Variants in DIAPH2 observed in about 807,000 individuals in gnomAD.
DIAPH2 encodes the protein diaphanous related formin 2.
Under a neutral mutation model 92.7 loss-of-function variants are expected in DIAPH2, and 35 were observed. That is an observed-to-expected ratio of 0.38 (90% confidence interval 0.29 to 0.50). The LOEUF (loss-of-function observed/expected upper bound fraction) is 0.50. Ranked by LOEUF, DIAPH2 falls within the 20% of genes least tolerant of loss-of-function variation. The pLI is 0.94. For synonymous variants in DIAPH2, 301 were observed against 280.4 expected, an observed-to-expected ratio of 1.07 and a Z score of -0.73; for missense variants, 701 against 819.5, an observed-to-expected ratio of 0.86 and a Z score of 1.77.
chrX:97,204,584 T>C (rs755674903), intron 22 of DIAPH2, among the ~76,000 whole-genome samples: 1 of 110,991 alleles, frequency 9.0e-6, no homozygotes, highest in African/African-American at 3.3e-5. Flanking sequence ...GCTACAAAGA[T>C]AATAAAATAC....
intron 23 of DIAPH2, among the ~76,000 whole-genome samples, chrX:97,261,119 A>G (rs1438647799): frequency 8.9e-6 from 1 of 112,521 alleles, no homozygotes; most frequent in East Asian, 2.8e-4. Flanking sequence ...ATTAGTTTAT[A>G]AAAACCTGGC....
intron 8 of DIAPH2, among the ~76,000 whole-genome samples, chrX:96,918,117 A>C (rs1296955020): frequency 1.8e-5 from 2 of 111,387 alleles, no homozygotes; most frequent in African/African-American, 6.5e-5. Context: ...GGACAGGAAC[A>C]CAATTCCTAT....
intron 26 of DIAPH2, among the ~76,000 whole-genome samples, chrX:97,434,709 C>T (rs991208179): frequency 1.8e-5 from 2 of 111,065 alleles, no homozygotes; most frequent in African/African-American, 3.3e-5. Context: ...CGCACCCAGC[C>T]GTAAGGTTAC....
rs189119163 is a variant in DIAPH2, at chrX:97,057,191, A to G, written c.2051-15750A>G. Among the ~76,000 whole-genome samples, 128 of 111,993 alleles carry G rather than the reference A, an allele frequency of 1.1e-3. 1 individual carries two copies. Among genetic ancestry groups the G allele is most frequent in the African/African-American group, 3.8e-3 (118 of 30,925 alleles). ...TACAGGCAATCGCCTTTTAAATAAA[A>G]CCTGAAACAAAAATTATTTGAAATG... is the stretch of plus-strand genomic sequence containing the variant. On this transcript the variant is annotated intron_variant, in intron 17 of 26. Transcript: ENST00000324765.
At chrX:97,022,675 A>G (rs943612889) in intron 17 of DIAPH2, among the ~76,000 whole-genome samples, 1 of 112,282 alleles carries the variant, frequency 8.9e-6, no homozygotes, top group Non-Finnish European at 1.9e-5. Context: ...GTCATCTGGA[A>G]TTCTGACATC....
intron 26 of DIAPH2, among the ~76,000 whole-genome samples, chrX:97,594,817 G>C (rs751236090): frequency 1.8e-5 from 2 of 112,223 alleles, no homozygotes; most frequent in African/African-American, 3.2e-5. Flanking sequence ...AGTATATAAT[G>C]TTAGGTCAAC....
At chrX:97,486,403 C>T (rs2070688897) in intron 26 of DIAPH2, among the ~76,000 whole-genome samples, 1 of 111,486 alleles carries the variant, frequency 9.0e-6, no homozygotes, top group African/African-American at 3.3e-5. Flanking sequence ...TTTTTGGATT[C>T]TCGTGCTAGA....
At chrX:97,005,333 ATT>A (rs557177508) in intron 17 of DIAPH2, among the ~76,000 whole-genome samples, 8 of 92,362 alleles carry the variant, frequency 8.7e-5, no homozygotes, top group East Asian at 3.5e-4. Flanking sequence ...CTCCTCCTCT[ATT>A]TTTTTTTTTT....
chrX:97,192,176 C>T lies in DIAPH2; in HGVS notation c.2719+50382C>T, dbSNP rs749333617. 6.6e-5 allele frequency among the ~76,000 whole-genome samples: 7 copies of T among 106,768 alleles called. No homozygotes were observed. In the South Asian group the frequency reaches 1.7e-3, roughly 26 times the overall value. The allele number at this position is 106,768 out of a possible 115,157, so 92.7% of individuals were successfully genotyped here. A position where few individuals can be genotyped will look rare whatever the true frequency, so the allele number is the denominator to read the frequency against. On this transcript the variant is annotated intron_variant, in intron 22 of 26. Transcript: ENST00000324765. Reference sequence around the variant, plus strand: ...ATGGTGGCTCGCACCTGTAGGTGCTCGCAGCTACTTGGGAGGCTGAGGCAG... The same window carrying T: ...ATGGTGGCTCGCACCTGTAGGTGCTTGCAGCTACTTGGGAGGCTGAGGCAG...
chrX:96,853,171 G>A (rs1251188606), intron 4 of DIAPH2, among the ~76,000 whole-genome samples: 1 of 111,365 alleles, frequency 9.0e-6, no homozygotes, highest in East Asian at 2.8e-4. Context: ...CACATTTTGA[G>A]GGCTAGAGAG....
At chrX:97,192,720 T>G (rs1039506031) in intron 22 of DIAPH2, among the ~76,000 whole-genome samples, 2 of 111,736 alleles carry the variant, frequency 1.8e-5, no homozygotes, top group South Asian at 7.5e-4. Flanking sequence ...ATTTTCCTCT[T>G]AAAATAATAG....
intron 26 of DIAPH2, among the ~76,000 whole-genome samples, chrX:97,437,402 G>A (rs187462525): frequency 1.8e-5 from 2 of 111,689 alleles, no homozygotes; most frequent in East Asian, 5.6e-4. Context: ...AATACTAGGG[G>A]CCAGGCAGCA....
rs113069006 is a variant in DIAPH2, at chrX:96,737,911, C to T, written c.166-675C>T. 8.4e-3 allele frequency among the ~76,000 whole-genome samples: 935 copies of T among 111,476 alleles called. 8 individuals carry two copies. Among genetic ancestry groups the T allele is most frequent in the African/African-American group, 0.029 (896 of 30,684 alleles). On this transcript the variant is annotated intron_variant, in intron 2 of 26. Coordinates refer to ENST00000324765, the MANE Select transcript of DIAPH2 (RefSeq NM_006729.5). ...TAGTAACAACAATAATAAATAGCAG[C>T]TAAGTGCAATAAACATATTAACTTA...
intron 22 of DIAPH2, among the ~76,000 whole-genome samples, chrX:97,156,898 T>C (rs1423076485): frequency 9.0e-6 from 1 of 111,699 alleles, no homozygotes; most frequent in African/African-American, 3.3e-5. Context: ...TCAGATCCAA[T>C]AATCTCAGTT....
intron 23 of DIAPH2, among the ~76,000 whole-genome samples, chrX:97,299,334 A>G (rs904857595): frequency 1.7e-4 from 19 of 111,976 alleles, no homozygotes; most frequent in Non-Finnish European, 1.5e-4. Flanking sequence ...TTGCCCAGTG[A>G]CGTTTACCAT....
intron 9 of DIAPH2, among the ~76,000 whole-genome samples, chrX:96,929,087 CTA>C (rs1464542175): frequency 3.6e-5 from 4 of 111,379 alleles, no homozygotes; most frequent in Admixed American, 9.6e-5. Context: ...ACTTTTCTCT[CTA>C]TTAATTTTGG....
chrX:97,092,381 A>G (rs1422886614), intron 19 of DIAPH2, among the ~76,000 whole-genome samples: 1 of 112,553 alleles, frequency 8.9e-6, no homozygotes, highest in African/African-American at 3.2e-5. Context: ...GGAAGTTGAG[A>G]GAAACATTAG....
rs541247844 is a variant in DIAPH2, at chrX:96,943,946, A to G, written c.1445-1581A>G. On this transcript the variant is annotated intron_variant, in intron 13 of 26. Transcript: ENST00000324765. ...AGGTTTTAGTTTCCTCAACTTTAAA[A>G]TTGAATAAGTCACATATATGAGTGG... Among the ~76,000 whole-genome samples, 608 of 111,794 alleles carry G rather than the reference A, an allele frequency of 5.4e-3. 2 individuals carry two copies. Among genetic ancestry groups the G allele is most frequent in the Middle Eastern group, 0.018 (4 of 218 alleles).
chrX:97,371,018 G>A (rs1299312925), intron 24 of DIAPH2, among the ~76,000 whole-genome samples: 1 of 111,665 alleles, frequency 9.0e-6, no homozygotes, highest in Non-Finnish European at 1.9e-5. Context: ...AGAAGATTTA[G>A]AGCATGAAAA....
Sources: gnomAD v4.1 joint callset for allele counts (sites outside exome capture counted in the v4.1 genomes callset) on GRCh38, gnomAD v4.1.1 for gene constraint, MANE v1.5 for transcripts, NCBI Gene and HGNC (gene_info 2026-07-23, HGNC 2026-07-21) for gene names.